Variants in SLIT1 observed in about 807,000 individuals in gnomAD.
SLIT1 encodes the protein slit guidance ligand 1.
In SLIT1, 66 loss-of-function variants were observed where a neutral mutation model predicts 186.1. That is an observed-to-expected ratio of 0.35 (90% confidence interval 0.29 to 0.44). The LOEUF (loss-of-function observed/expected upper bound fraction) is 0.44, where lower values mean the gene tolerates loss of function less well. Ranked by LOEUF, SLIT1 falls within the 20% of genes least tolerant of loss-of-function variation. The probability of loss-of-function intolerance (pLI) is 1.00; values close to 1 mark genes in which losing one functional copy is unlikely to be tolerated. For missense variants in SLIT1, 1,638 were observed against 2,037.4 expected (o/e 0.80, Z 3.77); for synonymous variants, 761 against 833.8 (o/e 0.91, Z 1.50).
rs1427400041 is a variant in SLIT1, at chr10:97,021,125, TG to T, written c.2746+124del. ...GGCAGCCATCAAGCCGCAGGTGCCT[TG>T]TTCCTGTCCCCTGACCCCCCGCCCA... On this transcript the variant is annotated intron_variant, in intron 26 of 36. Transcript: ENST00000266058. This position sits in a 1 kb window ranked among gnomAD's most constrained non-coding sequence, Gnocchi z 4.5. 1.1e-6 allele frequency: 1 copy of T among 877,472 alleles called. No homozygotes were observed. The highest frequency in any genetic ancestry group is 1.7e-6 in the Non-Finnish European group (1 of 591,654). 54.4% of individuals were successfully genotyped at this position (877,472 alleles called of 1,614,324 possible). A position where few individuals can be genotyped will look rare whatever the true frequency, so the allele number is the denominator to read the frequency against.
intron 4 of SLIT1, among the ~76,000 whole-genome samples, chr10:97,141,023 G>A (rs550445882): frequency 1.3e-5 from 2 of 152,232 alleles, no homozygotes; most frequent in African/African-American, 4.8e-5. Flanking sequence ...CCGAAACACC[G>A]CTTGGGTCGG....
Position 97,049,129 on chromosome 10 carries a change from C to T in SLIT1, c.1302-11G>A, listed in dbSNP as rs746643492. The T allele has an allele frequency of 3.2e-5, 52 of 1,610,408 alleles. No individual in the cohort carries two copies. In the South Asian group the frequency reaches 5.6e-4, roughly 17 times the overall value. On this transcript the variant is annotated splice_polypyrimidine_tract_variant and intron_variant, in intron 13 of 36. Coordinates refer to ENST00000266058, the MANE Select transcript of SLIT1 (RefSeq NM_003061.3). ...TTCTGCGCCAGGTGCCTGTCCAAAG[C>T]AGGCAGATCAGCTATGAGAAACAAG... is the stretch of plus-strand genomic sequence containing the variant.
Position 97,064,209 on chromosome 10 carries a change from G to A in SLIT1, c.588C>T (p.Ile196=), listed in dbSNP as rs535964865. The part of the protein sequence containing the change: ...LTLNNNNITT[I]PVSSFNHMPK... ...GCATATGGTTGAAGCTGGACACGGG[G>A]ATGGTGGTGATATTGTTGTTGTTCA... is the stretch of plus-strand genomic sequence containing the variant. The change falls in exon 7 of 37, where the codon ATC becomes ATT. Residue 196 remains isoleucine, a synonymous_variant. Coordinates refer to ENST00000266058, the MANE Select transcript of SLIT1 (RefSeq NM_003061.3). 5.0e-6 allele frequency: 8 copies of A among 1,613,932 alleles called. No homozygotes were observed. The highest frequency in any genetic ancestry group is 4.4e-5 in the South Asian group (4 of 90,942).
At chr10:97,107,480 C>G (rs1026362471) in intron 4 of SLIT1, among the ~76,000 whole-genome samples, 2 of 152,162 alleles carry the variant, frequency 1.3e-5, no homozygotes, top group African/African-American at 2.4e-5. Flanking sequence ...CACGAGACCC[C>G]AGAGCTCTGC....
In SLIT1 at chr10:97,046,636, C is replaced by G; in HGVS notation, c.1853+18G>C. 6.3e-7 allele frequency: 1 copy of G among 1,594,846 alleles called. No individual in the cohort carries two copies. Among genetic ancestry groups the G allele is most frequent in the Non-Finnish European group, 8.5e-7 (1 of 1,174,066 alleles). On this transcript the variant is annotated intron_variant, in intron 18 of 36. Coordinates refer to ENST00000266058, the MANE Select transcript of SLIT1 (RefSeq NM_003061.3). ...TCCTGCAGCTGGCCCACCCTGCTCCCCAGCCCTGCACACTCACAGGGTCCT... is the reference window on the plus strand; with the variant it reads ...TCCTGCAGCTGGCCCACCCTGCTCCGCAGCCCTGCACACTCACAGGGTCCT...
At chr10:97,144,239 T>C (rs1315283800) in intron 4 of SLIT1, among the ~76,000 whole-genome samples, 1 of 152,062 alleles carries the variant, frequency 6.6e-6, no homozygotes, top group Non-Finnish European at 1.5e-5. Flanking sequence ...TCTATTCCAG[T>C]TAAGAATTCA....
At chr10:97,108,600 G>A (rs918222592) in intron 4 of SLIT1, among the ~76,000 whole-genome samples, 2 of 152,128 alleles carry the variant, frequency 1.3e-5, no homozygotes, top group Non-Finnish European at 2.9e-5. Context: ...GTGGTTAAGA[G>A]CCACATTTGG....
Position 97,068,133 on chromosome 10 carries a change from T to C in SLIT1, c.414-2047A>G, listed in dbSNP as rs560820990. On this transcript the variant is annotated intron_variant, in intron 4 of 36. Coordinates refer to ENST00000266058, the MANE Select transcript of SLIT1 (RefSeq NM_003061.3). The surrounding 1 kb of genome is among the most constrained non-coding windows in gnomAD (Gnocchi z 4.2). Reference sequence around the variant, plus strand: ...ACATCAGCCACTCGCCAAGCATTTGTTGAATGAATGAATGAATGAATGAAT... The same window carrying C: ...ACATCAGCCACTCGCCAAGCATTTGCTGAATGAATGAATGAATGAATGAAT... Among the ~76,000 whole-genome samples the C allele has an allele frequency of 4.6e-5, 7 of 151,818 alleles. No homozygotes were observed. Among genetic ancestry groups the C allele is most frequent in the Admixed American group, 3.3e-4 (5 of 15,290 alleles).
intron 4 of SLIT1, among the ~76,000 whole-genome samples, chr10:97,106,407 C>T (rs76568142): frequency 1.8e-4 from 13 of 74,140 alleles, no homozygotes; most frequent in South Asian, 1.4e-3. Flanking sequence ...AATGAATGAA[C>T]GAATGAATGA....
intron 4 of SLIT1, among the ~76,000 whole-genome samples, chr10:97,070,328 C>A (rs1221281384): frequency 6.6e-6 from 1 of 152,200 alleles, no homozygotes; most frequent in African/African-American, 2.4e-5. Flanking sequence ...GAGGGGCATG[C>A]TTAGGCTCCA....
chr10:97,016,193 C>T (rs1414753759), intron 28 of SLIT1, among the ~76,000 whole-genome samples: 1 of 151,946 alleles, frequency 6.6e-6, no homozygotes, highest in Non-Finnish European at 1.5e-5. Flanking sequence ...CCTGTAGTCC[C>T]AGCTACTCGG....
At chr10:97,135,236 G>A (rs779866064) in intron 4 of SLIT1, among the ~76,000 whole-genome samples, 6 of 152,202 alleles carry the variant, frequency 3.9e-5, no homozygotes, top group Non-Finnish European at 5.9e-5. Flanking sequence ...CTTCCCCATC[G>A]CCTGACCACG....
At chr10:97,170,064 G>A (rs564282653) in intron 1 of SLIT1, among the ~76,000 whole-genome samples, 2 of 152,330 alleles carry the variant, frequency 1.3e-5, no homozygotes, top group East Asian at 1.9e-4. Context: ...GAGAGGACAC[G>A]GCTGCACAGG....
chr10:97,049,760 C>G (rs370982906), intron 13 of SLIT1, among the ~76,000 whole-genome samples: 8 of 152,364 alleles, frequency 5.3e-5, no homozygotes, highest in African/African-American at 1.9e-4. Flanking sequence ...TGTCTGTCAA[C>G]ACAAAGAAAA....
chr10:97,048,915 G>A (rs758632251), intron 14 of SLIT1, 40 bp downstream of exon 14: 4 of 1,590,248 alleles, frequency 2.5e-6, no homozygotes, highest in East Asian at 2.2e-5. Context: ...GGGCAGGCAG[G>A]TAGGTGGACA....
intron 11 of SLIT1, among the ~76,000 whole-genome samples, chr10:97,058,540 G>A (rs1848862330): frequency 6.6e-6 from 1 of 152,204 alleles, no homozygotes; most frequent in African/African-American, 2.4e-5. Flanking sequence ...GTACAGCTGT[G>A]TAGGGTGTAC....
rs1469333876 is a variant in SLIT1 at position 97,006,454 on chromosome 10, C to CTG, written c.3579+28_3579+29insCA. On this transcript the variant is annotated intron_variant, in intron 32 of 36. Transcript: ENST00000266058. The surrounding 1 kb of genome is among the most constrained non-coding windows in gnomAD (Gnocchi z 4.0). ...CCAGGGTCGCCTGCTCCCTGACTCC[C>CTG]CTCTGTGACCAAGCCCCCTGGCACG... The CTG allele has an allele frequency of 1.3e-6, 2 of 1,545,598 alleles. No individual in the cohort carries two copies. The highest frequency in any genetic ancestry group is 2.7e-5 in the African/African-American group (2 of 73,592).
At chr10:97,017,098 C>G (rs2134596839) in intron 28 of SLIT1, among the ~76,000 whole-genome samples, 1 of 152,338 alleles carries the variant, frequency 6.6e-6, no homozygotes, top group South Asian at 2.1e-4. Context: ...AGCCCGCATT[C>G]TGTAAGGCAG....
intron 4 of SLIT1, among the ~76,000 whole-genome samples, chr10:97,106,592 C>T (rs1012641976): frequency 6.6e-6 from 1 of 151,446 alleles, no homozygotes; most frequent in African/African-American, 2.4e-5. Flanking sequence ...GGGAGGTAGG[C>T]TTATTTGGGG....
Sources: gnomAD v4.1 joint callset for allele counts (sites outside exome capture counted in the v4.1 genomes callset) on GRCh38, gnomAD v4.1.1 for gene constraint, Gnocchi (gnomAD v3.1) non-coding constraint, MANE v1.5 for transcripts, NCBI Gene and HGNC (gene_info 2026-07-23, HGNC 2026-07-21) for gene names.